The following NCAM1 variants were observed in gnomAD, a reference collection of about 807,000 sequenced individuals.
The protein encoded by NCAM1 is antigen recognized by monoclonal antibody 5.1H11.
Under a neutral mutation model 109.8 loss-of-function variants are expected in NCAM1, and 14 were observed. That is an observed-to-expected ratio of 0.13 (90% confidence interval 0.08 to 0.20). The LOEUF is 0.20. Among genes scored for constraint, NCAM1 ranks in the 10% least tolerant of loss-of-function variants. The probability of loss-of-function intolerance (pLI) is 1.00; values close to 1 mark genes in which losing one functional copy is unlikely to be tolerated. For missense variants in NCAM1, 774 were observed against 1,109.9 expected (o/e 0.70, Z 4.30); for synonymous variants, 418 against 442.9 (o/e 0.94, Z 0.70).
chr11:112,971,266 C>T (rs1324927017), intron 1 of NCAM1, among the ~76,000 whole-genome samples: 1 of 152,038 alleles, frequency 6.6e-6, no homozygotes, highest in Non-Finnish European at 1.5e-5. Context: ...CTCTCTCTCT[C>T]TCTCTGTGTA....
At chr11:113,031,127 G>T (rs1292392153) in intron 1 of NCAM1, among the ~76,000 whole-genome samples, 1 of 152,154 alleles carries the variant, frequency 6.6e-6, no homozygotes, top group African/African-American at 2.4e-5. Context: ...GGATCAACAT[G>T]TTAACTTGTT....
rs1946413600 is a variant in NCAM1, at chr11:113,277,204, T to C, written c.*1817T>C. ...AAGAGGTTAGGGTGGCAAGGCTGCC[T>C]CTGGGTCCATTCTGTGGGCCACTCT... On this transcript the variant is annotated 3_prime_UTR_variant, in exon 20 of 20. Coordinates refer to ENST00000316851, the MANE Select transcript of NCAM1 (RefSeq NM_181351.5). 1 of 397,406 alleles carries C rather than the reference T, an allele frequency of 2.5e-6. No individual in the cohort carries two copies. The highest frequency in any genetic ancestry group is 2.1e-5 in the African/African-American group (1 of 48,600). 24.6% of individuals were successfully genotyped at this position (397,406 alleles called of 1,614,324 possible).
intron 17 of NCAM1, 91 bp from the exon 18 acceptor site, chr11:113,270,097 G>T (rs556699378): frequency 2.4e-6 from 3 of 1,252,368 alleles, no homozygotes; most frequent in South Asian, 2.5e-5. Flanking sequence ...TGTCCTCTGG[G>T]CCCTCCCCAC....
chr11:113,143,983 C>A (rs983285879), intron 1 of NCAM1, among the ~76,000 whole-genome samples: 3 of 152,126 alleles, frequency 2.0e-5, no homozygotes, highest in Non-Finnish European at 4.4e-5. Context: ...GACAGCATAT[C>A]TTTCCTTTTT....
intron 1 of NCAM1, among the ~76,000 whole-genome samples, chr11:113,013,301 C>G (rs1198885939): frequency 2.0e-5 from 3 of 151,590 alleles, no homozygotes; most frequent in Non-Finnish European, 4.4e-5. Context: ...TGGCGCGTGC[C>G]TATAATCCCA....
At chr11:113,049,668 T>A (rs1953394788) in intron 1 of NCAM1, among the ~76,000 whole-genome samples, 1 of 152,156 alleles carries the variant, frequency 6.6e-6, no homozygotes, top group South Asian at 2.1e-4. Flanking sequence ...AAAGTGTAGG[T>A]CTTTGCGTTA....
chr11:112,983,239 A>C (rs1591213044), intron 1 of NCAM1, among the ~76,000 whole-genome samples: 1 of 151,930 alleles, frequency 6.6e-6, no homozygotes, highest in African/African-American at 2.4e-5. Flanking sequence ...TGGGGTTTTT[A>C]TCTTCTAGTG....
chr11:113,053,903 T>G (rs564160987), intron 1 of NCAM1, among the ~76,000 whole-genome samples: 1 of 152,194 alleles, frequency 6.6e-6, no homozygotes, highest in Non-Finnish European at 1.5e-5. Flanking sequence ...GGTTTTCCCA[T>G]GTCCGCCTTC....
chr11:113,258,063 T>C (rs1555122620), intron 16 of NCAM1, among the ~76,000 whole-genome samples: 1 of 152,236 alleles, frequency 6.6e-6, no homozygotes, highest in Non-Finnish European at 1.5e-5. Context: ...CATCCAGCCT[T>C]AGCCATGGGC....
intron 12 of NCAM1, 83 bp downstream of exon 12, chr11:113,232,897 TC>T: frequency 7.8e-7 from 1 of 1,274,600 alleles, no homozygotes; most frequent in Non-Finnish European, 1.1e-6. Context: ...CTTGAGTGAT[TC>T]CAGGATATTG....
At chr11:113,000,726 T>G (rs1213970867) in intron 1 of NCAM1, among the ~76,000 whole-genome samples, 1 of 151,478 alleles carries the variant, frequency 6.6e-6, no homozygotes, top group East Asian at 1.9e-4. Context: ...GGGTCAGGAT[T>G]GCTGTAGGAA....
intron 18 of NCAM1, 59 bp from the exon 19 acceptor site, chr11:113,271,701 C>T: frequency 1.5e-6 from 2 of 1,340,790 alleles, no homozygotes; most frequent in Non-Finnish European, 2.1e-6. Context: ...AGCTGCTCTT[C>T]CGTGGGAGCC....
chr11:113,237,343 A>C (rs1441209645), intron 14 of NCAM1, among the ~76,000 whole-genome samples: 1 of 152,236 alleles, frequency 6.6e-6, no homozygotes, highest in Non-Finnish European at 1.5e-5. Flanking sequence ...AAAGGTACCC[A>C]AGGAAGCTTA....
chr11:112,964,676 A>G (rs1950683981), intron 1 of NCAM1, among the ~76,000 whole-genome samples: 1 of 152,240 alleles, frequency 6.6e-6, no homozygotes, highest in African/African-American at 2.4e-5. Context: ...TCATTTGAAG[A>G]CTGAGAATGT....
intron 1 of NCAM1, among the ~76,000 whole-genome samples, chr11:112,972,259 A>G (rs1950904596): frequency 6.6e-6 from 1 of 152,118 alleles, no homozygotes. Context: ...GAGACTAGGA[A>G]GACTCAAAGA....
intron 1 of NCAM1, among the ~76,000 whole-genome samples, chr11:113,172,819 T>A (rs1943034626): frequency 1.3e-5 from 2 of 152,240 alleles, no homozygotes; most frequent in Non-Finnish European, 2.9e-5. Flanking sequence ...CTATTTCGTT[T>A]GCCTTTTACA....
chr11:113,169,983 A>G lies in NCAM1; in HGVS notation c.53-32396A>G, dbSNP rs1487808563. 2.0e-5 allele frequency among the ~76,000 whole-genome samples: 3 copies of G among 152,160 alleles called. No individual in the cohort carries two copies. In the South Asian group the frequency reaches 6.2e-4, roughly 32 times the overall value. ...GAAATAACACATCCAGAACCTTTCT[A>G]TGATTTCCAGGCATCTTCATTTTCA... On this transcript the variant is annotated intron_variant, in intron 1 of 19. Transcript: ENST00000316851.
intron 15 of NCAM1, among the ~76,000 whole-genome samples, chr11:113,255,422 C>G (rs1555122102): frequency 6.6e-6 from 1 of 152,044 alleles, no homozygotes; most frequent in African/African-American, 2.4e-5. Context: ...AGTGATGTGT[C>G]CCGGCAAGAA....
intron 1 of NCAM1, among the ~76,000 whole-genome samples, chr11:112,978,830 G>A (rs1043376312): frequency 6.6e-6 from 1 of 151,786 alleles, no homozygotes; most frequent in Non-Finnish European, 1.5e-5. Flanking sequence ...AAATGATTGT[G>A]TATAATCATG....
Sources: allele counts gnomAD v4.1 joint callset (sites outside exome capture counted in the v4.1 genomes callset), GRCh38; gene constraint gnomAD v4.1.1; transcripts MANE v1.5; gene names NCBI Gene and HGNC (gene_info 2026-07-23, HGNC 2026-07-21).